ABLIM3: variants seen among roughly 807,000 people sequenced by gnomAD.
ABLIM3 encodes the protein actin binding LIM protein family member 3.
In ABLIM3, 61 loss-of-function variants were observed where a neutral mutation model predicts 109.5. The observed-to-expected ratio is 0.56, with a 90% CI of 0.45 to 0.69. The LOEUF (loss-of-function observed/expected upper bound fraction) is 0.69, where lower values mean the gene tolerates loss of function less well. Among genes scored for constraint, ABLIM3 ranks in the 30% least tolerant of loss-of-function variants. The pLI is 0.00. For missense variants in ABLIM3, 796 were observed against 889.5 expected, an observed-to-expected ratio of 0.89 and a Z score of 1.34; for synonymous variants, 300 against 324.8, an observed-to-expected ratio of 0.92 and a Z score of 0.82.
chr5:149,230,232 G>A (rs1761711455), intron 8 of ABLIM3, among the ~76,000 whole-genome samples: 2 of 152,214 alleles, frequency 1.3e-5, no homozygotes, highest in Non-Finnish European at 1.5e-5. Flanking sequence ...GACTGTGGGA[G>A]ATGTAGCAAT....
At chr5:149,221,881 CTA>C (rs2127532729) in intron 8 of ABLIM3, among the ~76,000 whole-genome samples, 1 of 152,240 alleles carries the variant, frequency 6.6e-6, no homozygotes, top group Admixed American at 6.5e-5. Flanking sequence ...GACTCTTCTT[CTA>C]CCCTTCTGTC....
intron 9 of ABLIM3, 124 bp downstream of exon 9, chr5:149,230,831 T>A: frequency 8.9e-7 from 1 of 1,118,160 alleles, no homozygotes; most frequent in Non-Finnish European, 1.3e-6. Context: ...AATGTGTGCC[T>A]ATGTCCTTGG....
intron 7 of ABLIM3, among the ~76,000 whole-genome samples, chr5:149,212,783 A>G (rs1468061599): frequency 2.0e-5 from 3 of 152,146 alleles, no homozygotes; most frequent in Non-Finnish European, 4.4e-5. Context: ...ACCATTTAGG[A>G]TGAGTTGTGA....
In ABLIM3 at chr5:149,259,341, T is replaced by C; in HGVS notation, c.*937T>C. 7.0e-7 allele frequency: 1 copy of C among 1,434,608 alleles called. No homozygotes were observed. Among genetic ancestry groups the C allele is most frequent in the East Asian group, 2.5e-5 (1 of 39,772 alleles). 88.9% of individuals were successfully genotyped at this position (1,434,608 alleles called of 1,614,324 possible). ...TATTACAATCTATGTGCCTGACAAC[T>C]CAACACACCGCAGGGCTAATGTTCC... On this transcript the variant is annotated 3_prime_UTR_variant, in exon 24 of 24. Transcript: ENST00000309868.
chr5:149,216,886 A>G, intron 7 of ABLIM3, 73 bp from the exon 8 acceptor site: 1 of 1,367,378 alleles, frequency 7.3e-7, no homozygotes, highest in Non-Finnish European at 1.0e-6. Flanking sequence ...CCCAGGAAAG[A>G]TTCAAACCCA....
At chr5:149,183,694 TCTATAAAGAC>T in intron 3 of ABLIM3, 105 bp downstream of exon 3, 1 of 1,306,104 alleles carries the variant, frequency 7.7e-7, no homozygotes, top group Admixed American at 3.7e-5. Context: ...GGCTGGAATA[TCTATAAAGAC>T]CTAAAGAGAC....
Position 149,237,442 on chromosome 5 carries a change from C to T in ABLIM3, c.889-6C>T. ...TTCCTTTCCTGTCCATTTCCCTCTT[C>T]CCTAGGCTAAAGTGGATAATGAGAT... is the stretch of plus-strand genomic sequence containing the variant. On this transcript the variant is annotated splice_region_variant and splice_polypyrimidine_tract_variant and intron_variant, in intron 10 of 23. Transcript: ENST00000309868. The T allele has an allele frequency of 1.2e-6, 2 of 1,613,748 alleles. No homozygotes were observed. The highest frequency in any genetic ancestry group is 1.7e-6 in the Non-Finnish European group (2 of 1,179,840).
Position 149,198,706 on chromosome 5 carries a change from C to T in ABLIM3, c.335+304C>T, listed in dbSNP as rs1198258704. On this transcript the variant is annotated intron_variant, in intron 4 of 23. Transcript: ENST00000309868. The surrounding 1 kb of genome is among the most constrained non-coding windows in gnomAD (Gnocchi z 4.2). ...TCTCAAAAGGCCCCCAAAGAAACCA[C>T]TGATTCTCTCAGAACTCAGTTTGGA... Among the ~76,000 whole-genome samples the T allele has an allele frequency of 6.6e-6, 1 of 152,246 alleles. No individual in the cohort carries two copies. The highest frequency in any genetic ancestry group is 1.5e-5 in the Non-Finnish European group (1 of 68,040).
intron 21 of ABLIM3, 92 bp downstream of exon 21, chr5:149,251,511 A>G: frequency 2.8e-6 from 4 of 1,448,178 alleles, no homozygotes; most frequent in African/African-American, 1.4e-5. Context: ...TGATGGCTAC[A>G]GATTCTGTCC....
At chr5:149,159,916 C>T (rs1030871801) in intron 2 of ABLIM3, among the ~76,000 whole-genome samples, 2 of 152,134 alleles carry the variant, frequency 1.3e-5, no homozygotes, top group Non-Finnish European at 2.9e-5. Flanking sequence ...CTCATTTGTA[C>T]TTATCCCTGG....
chr5:149,204,945 G>A (rs1011433326), intron 5 of ABLIM3, among the ~76,000 whole-genome samples: 13 of 152,166 alleles, frequency 8.5e-5, no homozygotes, highest in Non-Finnish European at 8.8e-5. Context: ...TTCATTTCTA[G>A]AGTATGGCCA....
intron 5 of ABLIM3, among the ~76,000 whole-genome samples, chr5:149,202,459 C>T (rs1318776780): frequency 6.6e-6 from 1 of 152,138 alleles, no homozygotes; most frequent in South Asian, 2.1e-4. Flanking sequence ...GTATTTTCTC[C>T]AAAGGTGGTC....
intron 2 of ABLIM3, among the ~76,000 whole-genome samples, chr5:149,173,117 G>C (rs1755595840): frequency 1.3e-5 from 2 of 152,246 alleles, no homozygotes; most frequent in Non-Finnish European, 2.9e-5. Flanking sequence ...GAGTTGGAGT[G>C]GTGGTCAGGC....
intron 18 of ABLIM3, among the ~76,000 whole-genome samples, chr5:149,248,607 C>T (rs1026184932): frequency 2.1e-5 from 3 of 144,122 alleles, no homozygotes; most frequent in African/African-American, 2.6e-5. Flanking sequence ...AGGAGAATGG[C>T]GTGAGGCAGG....
At chr5:149,163,083 G>A (rs1248545919) in intron 2 of ABLIM3, among the ~76,000 whole-genome samples, 2 of 152,256 alleles carry the variant, frequency 1.3e-5, no homozygotes, top group Non-Finnish European at 2.9e-5. Context: ...GTGGACCATG[G>A]CCAGGAGTCT....
chr5:149,249,825 G>A lies in ABLIM3; in HGVS notation c.1710G>A (p.Ser570=), dbSNP rs368603687. 258 of 1,613,950 alleles carry A rather than the reference G, an allele frequency of 1.6e-4. No individual in the cohort carries two copies. Among genetic ancestry groups the A allele is most frequent in the Non-Finnish European group, 2.0e-4 (234 of 1,179,990 alleles). ...YEMSLNGSPR[S]HYLADSDPLI... ...TTTTCTCTCCTGCAGCCCCTCGGTC[G>A]CACTACCTGGCTGACAGTGGTAAGT... Residue 570 remains serine, a synonymous_variant, in exon 19 of 24, where the codon TCG becomes TCA. Coordinates refer to ENST00000309868, the MANE Select transcript of ABLIM3 (RefSeq NM_014945.5).
At position 149,200,745 on chromosome 5, in the gene ABLIM3, GT is replaced by G. The variant is rs138530689; in HGVS notation, c.448+323del. 1.3e-3 allele frequency: 422 copies of G among 320,890 alleles called. 2 individuals are homozygous for G. The highest frequency in any genetic ancestry group is 8.3e-3 in the African/African-American group (404 of 48,724). 19.9% of individuals were successfully genotyped at this position (320,890 alleles called of 1,614,324 possible). A position where few individuals can be genotyped will look rare whatever the true frequency, so the allele number is the denominator to read the frequency against. ...GACGCCTCAATAGGGCTGATCAAGT[GT>G]TTTTTCACCAGTGGCTCTGAATTTT... On this transcript the variant is annotated intron_variant, in intron 5 of 23. Transcript: ENST00000309868.
intron 6 of ABLIM3, among the ~76,000 whole-genome samples, chr5:149,209,240 C>A (rs1293531762): frequency 6.6e-6 from 1 of 152,206 alleles, no homozygotes; most frequent in Non-Finnish European, 1.5e-5. Flanking sequence ...GAGCTCCTCT[C>A]AAGGAGGCCC....
intron 2 of ABLIM3, among the ~76,000 whole-genome samples, chr5:149,157,344 C>T (rs181108988): frequency 2.0e-5 from 3 of 152,154 alleles, no homozygotes; most frequent in South Asian, 2.1e-4. Context: ...AAATCCTCCC[C>T]CTTTGCTCCC....
Sources: allele counts gnomAD v4.1 joint callset (sites outside exome capture counted in the v4.1 genomes callset), GRCh38; gene constraint gnomAD v4.1.1; non-coding constraint Gnocchi (gnomAD v3.1); transcripts MANE v1.5; gene names NCBI Gene and HGNC (gene_info 2026-07-23, HGNC 2026-07-21).